Variants in PDE1C observed in about 807,000 individuals in gnomAD.
The protein encoded by PDE1C is phosphodiesterase 1C, also known as dual specificity calcium/calmodulin-dependent 3',5'-cyclic nucleotide phosphodiesterase 1C.
In PDE1C, 62 loss-of-function variants were observed where a neutral mutation model predicts 93.1. That is an observed-to-expected ratio of 0.67 (90% CI 0.54 to 0.82). The LOEUF (loss-of-function observed/expected upper bound fraction) is 0.82, where lower values mean the gene tolerates loss of function less well. PDE1C is among the 40% of genes least tolerant of loss of function. The pLI is 0.00. For missense variants in PDE1C, 742 were observed against 884.6 expected (o/e 0.84, Z 2.04); for synonymous variants, 325 against 310.1 (o/e 1.05, Z -0.50).
At chr7:31,895,798 T>C (rs770658235) in intron 2 of PDE1C, among the ~76,000 whole-genome samples, 7 of 152,058 alleles carry the variant, frequency 4.6e-5, no homozygotes, top group Non-Finnish European at 7.4e-5. Flanking sequence ...TAAAGAGCAG[T>C]TCCCCTGCAC....
At chr7:32,182,330 G>T (rs1803502502) in intron 2 of PDE1C, among the ~76,000 whole-genome samples, 1 of 152,164 alleles carries the variant, frequency 6.6e-6, no homozygotes, top group Non-Finnish European at 1.5e-5. Context: ...ACCAAAGCCT[G>T]GCAGAGACAC....
chr7:31,646,736 T>G, the PDE1C span, among the ~76,000 whole-genome samples: 1 of 152,136 alleles, frequency 6.6e-6, no homozygotes, highest in Non-Finnish European at 1.5e-5. Context: ...TGTGGCCCAT[T>G]ATGCTCAGTA....
intron 3 of PDE1C, among the ~76,000 whole-genome samples, chr7:32,127,974 A>C (rs1799682831): frequency 6.6e-6 from 1 of 152,040 alleles, no homozygotes; most frequent in African/African-American, 2.4e-5. Flanking sequence ...TAATATGTAC[A>C]TTAAAAAGCT....
chr7:31,717,651 AC>A, the PDE1C span, among the ~76,000 whole-genome samples: 1 of 152,212 alleles, frequency 6.6e-6, no homozygotes, highest in South Asian at 2.1e-4. Context: ...AATATTAGTA[AC>A]AAAAAGACCA....
chr7:32,128,187 A>C (rs1253706771), intron 3 of PDE1C, among the ~76,000 whole-genome samples: 2 of 63,668 alleles, frequency 3.1e-5, no homozygotes, highest in African/African-American at 1.1e-4. Context: ...TTTAGTGCCT[A>C]TTGTATGTAA....
intron 1 of PDE1C, among the ~76,000 whole-genome samples, chr7:32,405,247 T>C (rs1196200423): frequency 1.8e-5 from 1 of 56,378 alleles, no homozygotes; most frequent in Non-Finnish European, 4.3e-5. Flanking sequence ...TTATTTTTTC[T>C]TTTTTCTTTT....
chr7:31,675,273 T>G, the PDE1C span, among the ~76,000 whole-genome samples: 1 of 152,196 alleles, frequency 6.6e-6, no homozygotes. Flanking sequence ...GTTGCAGTCT[T>G]GGCCTTTTGA....
intron 2 of PDE1C, among the ~76,000 whole-genome samples, chr7:32,208,403 TTGAC>T (rs1245828068): frequency 6.6e-6 from 1 of 152,190 alleles, no homozygotes; most frequent in African/African-American, 2.4e-5. Context: ...AGCAACATTT[TTGAC>T]TGACCTGGAA....
intron 2 of PDE1C, among the ~76,000 whole-genome samples, chr7:32,199,731 TC>T (rs1316810126): frequency 6.6e-6 from 1 of 152,140 alleles, no homozygotes; most frequent in Non-Finnish European, 1.5e-5. Flanking sequence ...ATAGACCTAG[TC>T]TTTTTTTTTC....
chr7:31,784,620 A>T (rs1481030962), intron 16 of PDE1C: 1 of 152,176 alleles, frequency 6.6e-6, no homozygotes, highest in Non-Finnish European at 1.5e-5. Flanking sequence ...GGGAGGAAAA[A>T]AAAAGGAAAA....
At chr7:32,043,762 A>G (rs1197826823) in intron 2 of PDE1C, among the ~76,000 whole-genome samples, 1 of 152,208 alleles carries the variant, frequency 6.6e-6, no homozygotes, top group Non-Finnish European at 1.5e-5. Flanking sequence ...AGGCAGAGTC[A>G]ATGATTTAAG....
At chr7:31,674,061 A>G in the PDE1C span, among the ~76,000 whole-genome samples, 1 of 152,210 alleles carries the variant, frequency 6.6e-6, no homozygotes, top group Admixed American at 6.5e-5. Flanking sequence ...TGAACCATTC[A>G]GTGACTTTGC....
intron 2 of PDE1C, among the ~76,000 whole-genome samples, chr7:32,029,299 A>G (rs141171104): frequency 6.6e-6 from 1 of 152,158 alleles, no homozygotes; most frequent in Admixed American, 6.6e-5. Context: ...TCCTCAAAAA[A>G]CTAAAAATAC....
chr7:31,698,734 G>T, the PDE1C span, among the ~76,000 whole-genome samples: 1 of 152,182 alleles, frequency 6.6e-6, no homozygotes, highest in African/African-American at 2.4e-5. Flanking sequence ...AGGGATAAAT[G>T]CTGTGAAGAA....
intron 2 of PDE1C, among the ~76,000 whole-genome samples, chr7:31,901,294 G>A (rs1799952673): frequency 6.6e-6 from 1 of 151,496 alleles, no homozygotes; most frequent in Non-Finnish European, 1.5e-5. Flanking sequence ...ATATTATATA[G>A]TAAGTGATTA....
At chr7:32,362,671 T>G (rs927041207) in intron 1 of PDE1C, among the ~76,000 whole-genome samples, 2 of 152,124 alleles carry the variant, frequency 1.3e-5, no homozygotes, top group Admixed American at 6.6e-5. Context: ...GGCCCTACAC[T>G]TCTTGTACAC....
chr7:31,944,711 A>C (rs1806369125), intron 2 of PDE1C, among the ~76,000 whole-genome samples: 1 of 152,222 alleles, frequency 6.6e-6, no homozygotes, highest in East Asian at 1.9e-4. Flanking sequence ...AATAGTTTTA[A>C]GAACATATAT....
intron 17 of PDE1C, among the ~76,000 whole-genome samples, chr7:31,773,714 G>A (rs1023657299): frequency 5.3e-5 from 8 of 152,164 alleles, no homozygotes; most frequent in African/African-American, 1.9e-4. Context: ...TAAACTAAAT[G>A]GGAGGCTGCT....
At chr7:31,762,390 G>C (rs1417215284) in intron 17 of PDE1C, among the ~76,000 whole-genome samples, 1 of 152,076 alleles carries the variant, frequency 6.6e-6, no homozygotes, top group Non-Finnish European at 1.5e-5. Context: ...ACCCAGCCTG[G>C]AGTGCAGTGG....
Sources: allele counts gnomAD v4.1 joint callset (sites outside exome capture counted in the v4.1 genomes callset), GRCh38; gene constraint gnomAD v4.1.1; transcripts MANE v1.5; gene names NCBI Gene and HGNC (gene_info 2026-07-23, HGNC 2026-07-21).